TMEM44: variants seen among roughly 807,000 people sequenced by gnomAD.
The protein encoded by TMEM44 is transmembrane protein 44.
A neutral mutation model predicts 47.8 loss-of-function variants in TMEM44; 43 were observed. That is an observed-to-expected ratio of 0.90 (90% CI 0.70 to 1.16). The LOEUF (loss-of-function observed/expected upper bound fraction) is 1.16, where lower values mean the gene tolerates loss of function less well. Ranked by LOEUF, TMEM44 falls within the 50% of genes most tolerant of loss-of-function variation. The pLI, the probability that TMEM44 is intolerant of heterozygous loss-of-function variation, is 0.00. For synonymous variants in TMEM44, 277 were observed against 238.8 expected (o/e 1.16, Z -1.48); for missense variants, 568 against 555.2 (o/e 1.02, Z -0.23).
intron 1 of TMEM44, 183 bp downstream of exon 1, chr3:194,632,896 G>T: frequency 9.5e-7 from 1 of 1,056,264 alleles, no homozygotes; most frequent in Non-Finnish European, 1.3e-6. Context: ...CAGCTTCCCT[G>T]TGCGTGGGAT....
At chr3:194,623,718 A>C in intron 3 of TMEM44, 23 bp from the exon 4 acceptor site, 1 of 1,613,688 alleles carries the variant, frequency 6.2e-7, no homozygotes, top group Non-Finnish European at 8.5e-7. Context: ...CCAAAATCCC[A>C]CATGGCTCCT....
In TMEM44 at chr3:194,633,091, G is replaced by C. The variant is rs1415926457; in HGVS notation, c.125C>G (p.Ala42Gly). 2 of 1,548,774 alleles carry C rather than the reference G, an allele frequency of 1.3e-6. No individual in the cohort carries two copies. Among genetic ancestry groups the C allele is most frequent in the African/African-American group, 1.4e-5 (1 of 72,960 alleles). The change falls in exon 1 of 10, where the codon GCC becomes GGC. Residue 42 changes from alanine (A) to glycine (G), a missense_variant. Physicochemically the swap from Ala to Gly is moderately conservative, Grantham distance 60 (BLOSUM62 0). Transcript: ENST00000347147. ...GTGGCCCCATTACAGCGCGTGGGCG[G>C]CGATCCAGCAGGAGGAGGCGCAGAT... ...LWICASSCWI[A>G]AHALLLYLRC... is the part of the protein sequence containing the mutation.
In TMEM44 at chr3:194,622,394, G is replaced by A. The variant is rs140363729; in HGVS notation, c.612+830C>T. Among the ~76,000 whole-genome samples, 886 of 152,196 alleles carry A rather than the reference G, an allele frequency of 5.8e-3. 4 individuals are homozygous for A. Among genetic ancestry groups the A allele is most frequent in the Non-Finnish European group, 9.1e-3 (619 of 68,014 alleles). On this transcript the variant is annotated intron_variant, in intron 5 of 9. Transcript: ENST00000347147. ...TGTTTCTATCTTTCTTGAAGCGTGA[G>A]GAGATGCTGCTTCACATTCCCGTGT...
intron 7 of TMEM44, among the ~76,000 whole-genome samples, chr3:194,613,714 G>C (rs1465865676): frequency 6.7e-6 from 1 of 150,140 alleles, no homozygotes; most frequent in East Asian, 2.0e-4. Flanking sequence ...GGCTGGTCTC[G>C]AACTCCTGAC....
intron 8 of TMEM44, among the ~76,000 whole-genome samples, chr3:194,609,490 G>A (rs899611930): frequency 6.6e-6 from 1 of 152,168 alleles, no homozygotes; most frequent in African/African-American, 2.4e-5. Context: ...GTGGCCGAGT[G>A]CGTGGACTCT....
chr3:194,614,474 G>T (rs1715669543), intron 7 of TMEM44, among the ~76,000 whole-genome samples: 1 of 152,272 alleles, frequency 6.6e-6, no homozygotes, highest in Admixed American at 6.5e-5. Context: ...GCGCCATCTT[G>T]GCTCACTGCA....
At chr3:194,618,199 G>T (rs1238992903) in intron 5 of TMEM44, among the ~76,000 whole-genome samples, 2 of 152,164 alleles carry the variant, frequency 1.3e-5, no homozygotes, top group Non-Finnish European at 2.9e-5. Context: ...ACATGGGGAA[G>T]ATCCGAAAAA....
chr3:194,625,430 TG>T (rs769113958), intron 3 of TMEM44, among the ~76,000 whole-genome samples: 415 of 62,734 alleles, frequency 6.6e-3, no homozygotes, highest in South Asian at 0.01. Flanking sequence ...CCTTCTTTTT[TG>T]GGGGGGGGGG....
chr3:194,623,460 T>G (rs1716797277), intron 4 of TMEM44, 69 bp downstream of exon 4: 1 of 1,520,560 alleles, frequency 6.6e-7, no homozygotes, highest in Admixed American at 2.2e-5. Context: ...AGCCCCGGCC[T>G]CATCCCACCC....
At position 194,602,768 on chromosome 3, in the gene TMEM44, T is replaced by A. The variant is rs575693850; in HGVS notation, c.1176+1519A>T. Among the ~76,000 whole-genome samples the A allele has an allele frequency of 2.6e-5, 4 of 152,272 alleles. No homozygotes were observed. The East Asian group carries it at 7.7e-4, about 29-fold the overall frequency. ...GGGGTGTGTGAGGCCGGGCAGGCTGTGAAAGGCCTGGACTGCCACCCTGAG... is the reference window on the plus strand; with the variant it reads ...GGGGTGTGTGAGGCCGGGCAGGCTGAGAAAGGCCTGGACTGCCACCCTGAG... On this transcript the variant is annotated intron_variant, in intron 9 of 9. Coordinates refer to ENST00000347147, the MANE Select transcript of TMEM44 (RefSeq NM_001011655.3).
rs1281783105 is a variant in TMEM44 at position 194,615,655 on chromosome 3, C to A, written c.826G>T (p.Ala276Ser). ...CTGGCTTCCTTGGCAAATCCTAAGG[C>A]CTGTCTCATCTTGCTCTTCATCACA... is the stretch of plus-strand genomic sequence containing the variant. ...SCVMKSKMRQ[A>S]LGFAKEARES... The change falls in exon 7 of 10, where the codon GCC becomes TCC. Residue 276 changes from alanine (A) to serine (S), a missense_variant. Physicochemically the swap from Ala to Ser is moderately conservative, Grantham distance 99. Transcript: ENST00000347147. The A allele has an allele frequency of 6.2e-7, 1 of 1,613,990 alleles. No homozygotes were observed. The highest frequency in any genetic ancestry group is 8.5e-7 in the Non-Finnish European group (1 of 1,180,014).
chr3:194,596,760 C>T (rs186046916), intron 9 of TMEM44: 1 of 152,272 alleles, frequency 6.6e-6, no homozygotes, highest in African/African-American at 2.4e-5. Flanking sequence ...TCTCAAAAGC[C>T]CCTATGTGCA....
At chr3:194,606,965 G>GAAAAAAAAAAAA (rs1714850249) in intron 8 of TMEM44, among the ~76,000 whole-genome samples, 1 of 71,212 alleles carries the variant, frequency 1.4e-5, no homozygotes, top group Non-Finnish European at 3.2e-5. Flanking sequence ...AAAAAAAAAG[G>GAAAAAAAAAAAA]AAAGAATAAA....
chr3:194,623,019 T>A (rs1716730665), intron 5 of TMEM44: 1 of 483,398 alleles, frequency 2.1e-6, no homozygotes, highest in African/African-American at 2.1e-5. Flanking sequence ...CCCGCCGTCC[T>A]CAGGACGCCC....
At position 194,610,974 on chromosome 3, in the gene TMEM44, A is replaced by G. The variant is rs1011961842; in HGVS notation, c.959T>C (p.Leu320Pro). The change falls in exon 8 of 10, where the codon CTG (leucine) becomes CCG (proline). Residue 320 changes from leucine (L) to proline (P), a missense_variant. Leu to Pro is a moderately conservative substitution (Grantham distance 98, BLOSUM62 -3). Transcript: ENST00000347147. ...GCGACTGATTGCTGTCATTGTCCTCAGTGACTTGCAGTGTGACAGTGTGGT... is the reference window on the plus strand; with the variant it reads ...GCGACTGATTGCTGTCATTGTCCTCGGTGACTTGCAGTGTGACAGTGTGGT... Reference protein sequence around the residue: ...PLTTLSHCKSLRTMTAISRYM... With the variant: ...PLTTLSHCKSPRTMTAISRYM... 6.8e-6 allele frequency: 11 copies of G among 1,613,938 alleles called. No homozygotes were observed. Among genetic ancestry groups the G allele is most frequent in the Non-Finnish European group, 9.3e-6 (11 of 1,180,012 alleles).
chr3:194,619,553 C>G (rs1716300589), intron 5 of TMEM44, among the ~76,000 whole-genome samples: 1 of 152,218 alleles, frequency 6.6e-6, no homozygotes, highest in South Asian at 2.1e-4. Flanking sequence ...TTTCGTACCC[C>G]TGTCCCATTC....
chr3:194,596,110 G>A (rs976942291), intron 9 of TMEM44, among the ~76,000 whole-genome samples: 1 of 152,068 alleles, frequency 6.6e-6, no homozygotes, highest in Non-Finnish European at 1.5e-5. Context: ...CACAGATGGG[G>A]AGGCGTTCTG....
intron 9 of TMEM44, among the ~76,000 whole-genome samples, chr3:194,594,843 A>G (rs1713207105): frequency 6.6e-6 from 1 of 152,226 alleles, no homozygotes; most frequent in South Asian, 2.1e-4. Flanking sequence ...TACAAAGCTT[A>G]AATCTTCAGC....
At chr3:194,602,534 G>A (rs113834448) in intron 9 of TMEM44, among the ~76,000 whole-genome samples, 2 of 152,178 alleles carry the variant, frequency 1.3e-5, no homozygotes, top group South Asian at 2.1e-4. Context: ...CCCGGGAGGC[G>A]GAGGTTGCAG....
Sources: gnomAD v4.1 joint callset for allele counts (sites outside exome capture counted in the v4.1 genomes callset) on GRCh38, gnomAD v4.1.1 for gene constraint, MANE v1.5 for transcripts, NCBI Gene and HGNC (gene_info 2026-07-23, HGNC 2026-07-21) for gene names.